SCAPER: variants seen among roughly 807,000 people sequenced by gnomAD.
The protein encoded by SCAPER is S phase cyclin A-associated protein in the endoplasmic reticulum.
In SCAPER, 98 loss-of-function variants were observed where a neutral mutation model predicts 182.2. The observed-to-expected ratio is 0.54, with a 90% CI of 0.46 to 0.64. SCAPER has a LOEUF of 0.64. Ranked by LOEUF, SCAPER falls within the 30% of genes least tolerant of loss-of-function variation. The pLI is 0.00. For synonymous variants in SCAPER, 605 were observed against 564.6 expected (o/e 1.07, Z -1.01); for missense variants, 1,432 against 1,690.0 (o/e 0.85, Z 2.68).
chr15:76,777,931 A>G (rs189393802), intron 8 of SCAPER, among the ~76,000 whole-genome samples: 9 of 152,318 alleles, frequency 5.9e-5, no homozygotes, highest in African/African-American at 2.2e-4. Flanking sequence ...GAGAACACTA[A>G]GAGCCTACAG....
At chr15:76,350,822 G>GCTA (rs2040496041) in intron 31 of SCAPER, 1 of 154,162 alleles carries the variant, frequency 6.5e-6, no homozygotes, top group African/African-American at 2.4e-5. Context: ...GAAACTGTGG[G>GCTA]CTACTATTAC....
intron 21 of SCAPER, among the ~76,000 whole-genome samples, chr15:76,661,218 T>C (rs901706459): frequency 5.3e-5 from 8 of 151,948 alleles, no homozygotes; most frequent in African/African-American, 1.7e-4. Context: ...CTCAAAACCA[T>C]AAAAACCCTA....
chr15:76,554,965 G>T (rs1236284376), intron 23 of SCAPER, among the ~76,000 whole-genome samples: 1 of 151,986 alleles, frequency 6.6e-6, no homozygotes, highest in African/African-American at 2.4e-5. Flanking sequence ...ATTTTTAGTA[G>T]AGACAGGGTT....
At chr15:76,664,884 G>A (rs539904713) in intron 21 of SCAPER, among the ~76,000 whole-genome samples, 2 of 152,264 alleles carry the variant, frequency 1.3e-5, no homozygotes, top group South Asian at 4.1e-4. Context: ...TCTAAACACT[G>A]AAACTACAGA....
intron 21 of SCAPER, among the ~76,000 whole-genome samples, chr15:76,622,681 T>C (rs928475884): frequency 5.9e-5 from 9 of 152,224 alleles, no homozygotes; most frequent in Non-Finnish European, 1.0e-4. Context: ...TAGCTACAAG[T>C]AATTGTGACC....
In SCAPER at chr15:76,681,686, G is replaced by A. The variant is rs188017275; in HGVS notation, c.2509-15897C>T. ...AATTCTGGGGAAGAGATGAGTTGAG[G>A]AGGCAAGGAGTGGCCTCTTCTCTCC... On this transcript the variant is annotated intron_variant, in intron 20 of 31. Transcript: ENST00000563290. Among the ~76,000 whole-genome samples the A allele has an allele frequency of 7.4e-4, 113 of 152,306 alleles. 1 individual carries two copies. The highest frequency in any genetic ancestry group is 2.2e-3 in the African/African-American group (92 of 41,562).
intron 2 of SCAPER, among the ~76,000 whole-genome samples, chr15:76,869,146 T>C (rs1352917041): frequency 6.6e-6 from 1 of 152,160 alleles, no homozygotes; most frequent in African/African-American, 2.4e-5. Context: ...AAGTAAGACC[T>C]GAAACTATGA....
chr15:76,352,721 A>T (rs2040662007), intron 30 of SCAPER, among the ~76,000 whole-genome samples: 1 of 151,910 alleles, frequency 6.6e-6, no homozygotes, highest in Non-Finnish European at 1.5e-5. Context: ...AAGTGCTGGG[A>T]TTACAGATGT....
intron 26 of SCAPER, among the ~76,000 whole-genome samples, chr15:76,432,546 T>C (rs1290629796): frequency 5.9e-5 from 9 of 152,246 alleles, no homozygotes; most frequent in African/African-American, 1.7e-4. Context: ...ACAAATTGCA[T>C]GGATTTGGGG....
At position 76,480,264 on chromosome 15, in the gene SCAPER, T is replaced by A. The variant is rs76744121; in HGVS notation, c.2955-8929A>T. On this transcript the variant is annotated intron_variant, in intron 24 of 31. Transcript: ENST00000563290. ...GATTTAATAAATAGCATACAGTTTA[T>A]ATGCATTTAGTCATTCTCAAATTAT... Among the ~76,000 whole-genome samples the A allele has an allele frequency of 8.3e-3, 1,265 of 152,342 alleles. 16 individuals carry two copies. Among genetic ancestry groups the A allele is most frequent in the African/African-American group, 0.029 (1,204 of 41,584 alleles).
At chr15:76,700,292 TC>T (rs765222229) in intron 20 of SCAPER, among the ~76,000 whole-genome samples, 2 of 152,148 alleles carry the variant, frequency 1.3e-5, no homozygotes, top group Non-Finnish European at 2.9e-5. Context: ...CAGCAGCTGT[TC>T]CTGTGTCAAA....
chr15:76,627,643 A>C (rs971561816), intron 21 of SCAPER, among the ~76,000 whole-genome samples: 1 of 152,164 alleles, frequency 6.6e-6, no homozygotes, highest in Non-Finnish European at 1.5e-5. Context: ...TTATGGCTGC[A>C]TAGTATTCCA....
At chr15:76,699,904 AC>A (rs2058843413) in intron 20 of SCAPER, among the ~76,000 whole-genome samples, 1 of 152,196 alleles carries the variant, frequency 6.6e-6, no homozygotes, top group Non-Finnish European at 1.5e-5. Flanking sequence ...CCATACCTGC[AC>A]CGGTGCCAGT....
chr15:76,661,909 T>C (rs910782814), intron 21 of SCAPER, among the ~76,000 whole-genome samples: 5 of 152,094 alleles, frequency 3.3e-5, no homozygotes, highest in African/African-American at 4.8e-5. Context: ...CTATTCACAA[T>C]AACAAAGACA....
chr15:76,490,748 T>C (rs2052216200), intron 24 of SCAPER, among the ~76,000 whole-genome samples: 3 of 152,176 alleles, frequency 2.0e-5, no homozygotes, highest in African/African-American at 7.2e-5. Context: ...TAAGTCTTCT[T>C]TCATTAATTT....
chr15:76,475,737 G>A (rs1437205452), intron 24 of SCAPER, among the ~76,000 whole-genome samples: 2 of 152,170 alleles, frequency 1.3e-5, no homozygotes, highest in African/African-American at 4.8e-5. Context: ...GAGACCCAGC[G>A]ACCTACCCTG....
chr15:76,636,402 C>A (rs1437888441), intron 21 of SCAPER, among the ~76,000 whole-genome samples: 1 of 151,898 alleles, frequency 6.6e-6, no homozygotes, highest in African/African-American at 2.4e-5. Flanking sequence ...TACTGTTGAC[C>A]CCAACTGTTC....
At chr15:76,541,146 G>C (rs1416531930) in intron 23 of SCAPER, among the ~76,000 whole-genome samples, 1 of 151,810 alleles carries the variant, frequency 6.6e-6, no homozygotes, top group Non-Finnish European at 1.5e-5. Flanking sequence ...AACCATGTTT[G>C]TGAGGAATGA....
chr15:76,636,744 T>C (rs2053635746), intron 21 of SCAPER, among the ~76,000 whole-genome samples: 1 of 152,200 alleles, frequency 6.6e-6, no homozygotes. Context: ...TGATATTCAG[T>C]TAAATTTACT....
Sources: allele counts gnomAD v4.1 joint callset (sites outside exome capture counted in the v4.1 genomes callset), GRCh38; gene constraint gnomAD v4.1.1; transcripts MANE v1.5; gene names NCBI Gene and HGNC (gene_info 2026-07-23, HGNC 2026-07-21).